Variants in ZNF609 observed in about 807,000 individuals in gnomAD.
ZNF609 encodes zinc finger protein 609.
In ZNF609, 11 loss-of-function variants were observed where a neutral mutation model predicts 109.5. The observed-to-expected ratio is 0.10, with a 90% confidence interval of 0.06 to 0.17. The LOEUF (loss-of-function observed/expected upper bound fraction) is 0.17. Ranked by LOEUF, ZNF609 falls within the 10% of genes least tolerant of loss-of-function variation. ZNF609 has a pLI of 1.00. For missense variants in ZNF609, 1,559 were observed against 1,772.4 expected (o/e 0.88, Z 2.16); for synonymous variants, 646 against 662.0 (o/e 0.98, Z 0.37).
intron 3 of ZNF609, among the ~76,000 whole-genome samples, chr15:64,657,564 A>G (rs1359710791): frequency 6.6e-6 from 1 of 152,176 alleles, no homozygotes; most frequent in Non-Finnish European, 1.5e-5. Context: ...CAGTGAGCTG[A>G]GATCGCGCTA....
chr15:64,593,210 G>A (rs1895332230), intron 2 of ZNF609: 32 of 1,516,246 alleles, frequency 2.1e-5, no homozygotes, highest in Non-Finnish European at 2.9e-5. Flanking sequence ...TGTGAGTTGT[G>A]CAATTCACAG....
chr15:64,574,303 A>C lies in ZNF609; in HGVS notation c.748-48524A>C, dbSNP rs530434980. On this transcript the variant is annotated intron_variant, in intron 2 of 9. Coordinates refer to ENST00000326648, the MANE Select transcript of ZNF609 (RefSeq NM_015042.2). ...GATAGGTTAAGGATACAGCTTGGTA[A>C]AGAAGGAACCTGCAGGGGTTTATTG... Among the ~76,000 whole-genome samples the C allele has an allele frequency of 5.9e-5, 9 of 151,852 alleles. No individual in the cohort carries two copies. In the South Asian group the frequency reaches 1.9e-3, roughly 32 times the overall value.
At chr15:64,566,225 G>T (rs1456396646) in intron 2 of ZNF609, among the ~76,000 whole-genome samples, 1 of 152,190 alleles carries the variant, frequency 6.6e-6, no homozygotes, top group Non-Finnish European at 1.5e-5. Context: ...AGTGTCTTGG[G>T]AGACTGAGGC....
chr15:64,660,965 G>A lies in ZNF609; in HGVS notation c.974-9381G>A, dbSNP rs138262717. The stretch of plus-strand genomic sequence containing the variant: ...CTGGGTTTTTGTTGTTTGTTTGTTT[G>A]TTTGTTTGTTGAGACCGGGTTTCAC... On this transcript the variant is annotated intron_variant, in intron 3 of 9. Coordinates refer to ENST00000326648, the MANE Select transcript of ZNF609 (RefSeq NM_015042.2). 1.6e-4 allele frequency among the ~76,000 whole-genome samples: 25 copies of A among 152,090 alleles called. No individual in the cohort carries two copies. In the East Asian group the frequency reaches 4.6e-3, roughly 28 times the overall value.
intron 3 of ZNF609, among the ~76,000 whole-genome samples, chr15:64,664,323 G>T (rs780097853): frequency 6.6e-6 from 1 of 152,166 alleles, no homozygotes; most frequent in Non-Finnish European, 1.5e-5. Context: ...TCACCTTGAA[G>T]AAGGGAGAAT....
In ZNF609 at chr15:64,623,011, G is replaced by C. The variant is rs1895901176; in HGVS notation, c.932G>C (p.Ser311Thr). ...TTGGGCCCCTGTGAACCTGGAACTAGCGTCAACCTTGAAGGCATCGTGTGG... is the reference window on the plus strand; with the variant it reads ...TTGGGCCCCTGTGAACCTGGAACTACCGTCAACCTTGAAGGCATCGTGTGG... ...ECLGPCEPGT[S>T]VNLEGIVWQE... is the part of the protein sequence containing the mutation. Residue 311 changes from serine to threonine, a missense_variant, in exon 3 of 10, where the codon AGC becomes ACC. By Grantham distance (58) the Ser-to-Thr change is moderately conservative (BLOSUM62 1). This residue lies in a region of ZNF609 where 38 missense variants were observed against 82.1 expected (regional missense o/e 0.46). Coordinates refer to ENST00000326648, the MANE Select transcript of ZNF609 (RefSeq NM_015042.2). 1.2e-6 allele frequency: 2 copies of C among 1,614,266 alleles called. No individual in the cohort carries two copies. The highest frequency in any genetic ancestry group is 1.6e-4 in the Middle Eastern group (1 of 6,062).
chr15:64,469,052 AAAAACAAC>A lies in ZNF609; in HGVS notation c.-128+8216_-128+8223del, dbSNP rs1240324721. On this transcript the variant is annotated intron_variant, in intron 1 of 9. Transcript: ENST00000326648. ...CTCATATCTTAAAAAAAAAAAAAAAAAAAACAACACAATTCAGCCTGGCCAACATGGTG... is the reference window on the plus strand; with the variant it reads ...CTCATATCTTAAAAAAAAAAAAAAAAACAATTCAGCCTGGCCAACATGGTG... Among the ~76,000 whole-genome samples, 5 of 134,544 alleles carry A rather than the reference AAAAACAAC, an allele frequency of 3.7e-5. 1 individual carries two copies. Among genetic ancestry groups the A allele is most frequent in the Admixed American group, 1.5e-4 (2 of 13,448 alleles). 88.3% of individuals were successfully genotyped at this position (134,544 alleles called of 152,430 possible). A position where few individuals can be genotyped will look rare whatever the true frequency, so the allele number is the denominator to read the frequency against.
chr15:64,511,811 T>A (rs1893735998), intron 2 of ZNF609, among the ~76,000 whole-genome samples: 1 of 150,438 alleles, frequency 6.6e-6, no homozygotes, highest in Non-Finnish European at 1.5e-5. Context: ...GCCTCCTGGG[T>A]TCAAGTGATT....
chr15:64,621,068 G>C (rs1427867672), intron 2 of ZNF609, among the ~76,000 whole-genome samples: 2 of 152,146 alleles, frequency 1.3e-5, no homozygotes, highest in Non-Finnish European at 2.9e-5. Context: ...CCTCACAAAG[G>C]ACTCTCTATT....
rs149250735 is a variant in ZNF609 at position 64,678,196 on chromosome 15, G to A, written c.3483G>A (p.Glu1161=). The change falls in exon 6 of 10, where the codon GAG becomes GAA. Residue 1161 remains glutamate, a synonymous_variant. Coordinates refer to ENST00000326648, the MANE Select transcript of ZNF609 (RefSeq NM_015042.2). ...AGTCAGAGGATGAGCGGTGGAAGGA[G>A]GAGCGGGACCGCAAATTGAAGGAGG... ...DIKSEDERWK[E]ERDRKLKEER... The A allele has an allele frequency of 3.7e-6, 6 of 1,614,156 alleles. No individual in the cohort carries two copies. The highest frequency in any genetic ancestry group is 4.2e-6 in the Non-Finnish European group (5 of 1,180,034).
At chr15:64,544,759 A>C (rs1894328159) in intron 2 of ZNF609, among the ~76,000 whole-genome samples, 1 of 152,108 alleles carries the variant, frequency 6.6e-6, no homozygotes, top group South Asian at 2.1e-4. Flanking sequence ...CAGCAAGCGA[A>C]CCCCTTTTTA....
At chr15:64,524,585 G>A (rs1304003146) in intron 2 of ZNF609, among the ~76,000 whole-genome samples, 1 of 151,124 alleles carries the variant, frequency 6.6e-6, no homozygotes, top group South Asian at 2.1e-4. Context: ...AAAAGGGGGG[G>A]GCCTTTTGTG....
intron 4 of ZNF609, among the ~76,000 whole-genome samples, chr15:64,673,650 G>C (rs1340688218): frequency 6.6e-6 from 1 of 152,144 alleles, no homozygotes; most frequent in Non-Finnish European, 1.5e-5. Flanking sequence ...CCATGACTAT[G>C]GCTGTATATA....
intron 3 of ZNF609, among the ~76,000 whole-genome samples, chr15:64,663,568 G>A (rs1476342926): frequency 6.6e-6 from 1 of 152,054 alleles, no homozygotes; most frequent in Non-Finnish European, 1.5e-5. Flanking sequence ...TTGGGGCTAG[G>A]GATAGAAGTT....
intron 1 of ZNF609, among the ~76,000 whole-genome samples, chr15:64,497,649 C>G (rs992863297): frequency 6.6e-6 from 1 of 152,050 alleles, no homozygotes; most frequent in Non-Finnish European, 1.5e-5. Context: ...TACCTGTAAT[C>G]CCAACACTTT....
intron 2 of ZNF609, among the ~76,000 whole-genome samples, chr15:64,607,766 A>G (rs906530815): frequency 2.0e-5 from 3 of 151,570 alleles, no homozygotes; most frequent in Non-Finnish European, 4.4e-5. Context: ...TGGCCCCCCA[A>G]AGTGCTGGGA....
intron 1 of ZNF609, among the ~76,000 whole-genome samples, chr15:64,493,230 T>C (rs923509326): frequency 6.6e-6 from 1 of 152,154 alleles, no homozygotes; most frequent in Non-Finnish European, 1.5e-5. Flanking sequence ...TGTTTGGATA[T>C]GAGTGGGGTC....
chr15:64,574,952 C>G (rs996005512), intron 2 of ZNF609, among the ~76,000 whole-genome samples: 2 of 152,122 alleles, frequency 1.3e-5, no homozygotes, highest in African/African-American at 2.4e-5. Flanking sequence ...GAGTTGGACT[C>G]CTCCTGAAGC....
chr15:64,553,167 T>A (rs763208326), intron 2 of ZNF609, among the ~76,000 whole-genome samples: 1 of 152,170 alleles, frequency 6.6e-6, no homozygotes, highest in Non-Finnish European at 1.5e-5. Context: ...TAATAAATGT[T>A]GAAGTCATAT....
Sources: gnomAD v4.1 joint callset for allele counts (sites outside exome capture counted in the v4.1 genomes callset) on GRCh38, gnomAD v4.1.1 for gene constraint, gnomAD v4.1.1 regional missense constraint, MANE v1.5 for transcripts, NCBI Gene and HGNC (gene_info 2026-07-23, HGNC 2026-07-21) for gene names.